Variants in GFRA1 observed in about 807,000 individuals in gnomAD.
GFRA1 encodes GDNF family receptor alpha-1.
Under a neutral mutation model 51.6 loss-of-function variants are expected in GFRA1, and 16 were observed. That is an observed-to-expected ratio of 0.31 (90% CI 0.21 to 0.47). GFRA1 has a LOEUF of 0.47. GFRA1 is among the 20% of genes least tolerant of loss of function. The pLI, the probability that GFRA1 is intolerant of heterozygous loss-of-function variation, is 1.00. For missense variants in GFRA1, 530 were observed against 594.3 expected (o/e 0.89, Z 1.13); for synonymous variants, 270 against 241.3 (o/e 1.12, Z -1.10).
chr10:116,154,238 T>C (rs1343472448), intron 5 of GFRA1, among the ~76,000 whole-genome samples: 1 of 152,214 alleles, frequency 6.6e-6, no homozygotes, highest in Non-Finnish European at 1.5e-5. Context: ...TCAACAGGAA[T>C]GTGTCTATAC....
intron 4 of GFRA1, among the ~76,000 whole-genome samples, chr10:116,225,613 G>A (rs921415311): frequency 6.7e-5 from 10 of 149,020 alleles, no homozygotes; most frequent in African/African-American, 2.2e-4. Flanking sequence ...TTTTTGAGAC[G>A]GAGTCTTGCT....
chr10:116,196,254 C>T (rs576149114), intron 5 of GFRA1, among the ~76,000 whole-genome samples: 2 of 150,730 alleles, frequency 1.3e-5, no homozygotes, highest in East Asian at 2.0e-4. Context: ...CTTTGGGAGG[C>T]TGAGGTGAGT....
intron 6 of GFRA1, among the ~76,000 whole-genome samples, chr10:116,114,200 G>A (rs953361859): frequency 1.3e-5 from 2 of 152,142 alleles, no homozygotes; most frequent in African/African-American, 4.8e-5. Context: ...CCAGGTCACA[G>A]AAGAAGCACG....
chr10:116,222,407 C>A (rs1965986577), intron 4 of GFRA1, among the ~76,000 whole-genome samples: 1 of 152,070 alleles, frequency 6.6e-6, no homozygotes, highest in South Asian at 2.1e-4. Context: ...CCATGCTGGC[C>A]AGGCTGGTCA....
intron 5 of GFRA1, among the ~76,000 whole-genome samples, chr10:116,185,133 G>C (rs1328434225): frequency 6.6e-6 from 1 of 152,130 alleles, no homozygotes; most frequent in East Asian, 1.9e-4. Flanking sequence ...ATGGTGGTAT[G>C]AGAATGCGTC....
At chr10:116,134,711 C>G (rs1425830367) in intron 5 of GFRA1, among the ~76,000 whole-genome samples, 2 of 152,208 alleles carry the variant, frequency 1.3e-5, no homozygotes, top group Non-Finnish European at 2.9e-5. Flanking sequence ...CTCACAGTGA[C>G]TGAATTATTT....
At chr10:116,148,082 G>GTGTGAGCATGCA (rs1555158860) in intron 5 of GFRA1, among the ~76,000 whole-genome samples, 1 of 129,376 alleles carries the variant, frequency 7.7e-6, no homozygotes, top group Non-Finnish European at 1.7e-5. Context: ...GTGCATGTGT[G>GTGTGAGCATGCA]TGTGTGCATG....
chr10:116,142,932 G>A (rs1958633487), intron 5 of GFRA1, among the ~76,000 whole-genome samples: 1 of 152,166 alleles, frequency 6.6e-6, no homozygotes, highest in Non-Finnish European at 1.5e-5. Flanking sequence ...TGAAATGAAT[G>A]CTATTCACGA....
rs148981433 is a variant in GFRA1 at position 116,188,452 on chromosome 10, G to A, written c.433+23179C>T. Among the ~76,000 whole-genome samples the A allele has an allele frequency of 5.3e-3, 801 of 152,312 alleles. 4 individuals are homozygous for A. The highest frequency in any genetic ancestry group is 9.0e-3 in the Non-Finnish European group (612 of 68,018). ...AGAAAGTAGAACAGTGGTTGCCAGC[G>A]TTTGGGTGGAGGGGAGAATGAGGGC... is the stretch of plus-strand genomic sequence containing the variant. On this transcript the variant is annotated intron_variant, in intron 5 of 10. Coordinates refer to ENST00000355422, the MANE Select transcript of GFRA1 (RefSeq NM_005264.8).
At chr10:116,077,209 G>A (rs1955655540) in intron 9 of GFRA1, among the ~76,000 whole-genome samples, 1 of 152,256 alleles carries the variant, frequency 6.6e-6, no homozygotes, top group South Asian at 2.1e-4. Context: ...TTGGAAAATA[G>A]GCTTATTCTA....
chr10:116,117,954 C>G (rs1957495007), intron 6 of GFRA1, among the ~76,000 whole-genome samples: 1 of 152,230 alleles, frequency 6.6e-6, no homozygotes, highest in East Asian at 1.9e-4. Context: ...TCTCCAACTT[C>G]TAAGTCCTCT....
intron 9 of GFRA1, among the ~76,000 whole-genome samples, chr10:116,076,471 A>G (rs1040069744): frequency 6.6e-6 from 1 of 152,158 alleles, no homozygotes; most frequent in African/African-American, 2.4e-5. Flanking sequence ...TCAGGGTGAT[A>G]GAAGAAAGGG....
chr10:116,153,821 G>C (rs892811233), intron 5 of GFRA1, among the ~76,000 whole-genome samples: 2 of 152,118 alleles, frequency 1.3e-5, no homozygotes, highest in Non-Finnish European at 2.9e-5. Context: ...CATAGGAGGA[G>C]ACATTTTTAA....
intron 4 of GFRA1, among the ~76,000 whole-genome samples, chr10:116,266,200 G>A (rs538005285): frequency 2.6e-5 from 4 of 152,280 alleles, no homozygotes; most frequent in South Asian, 2.1e-4. Context: ...TGTTCCTTGC[G>A]AGGATTCAGC....
intron 5 of GFRA1, among the ~76,000 whole-genome samples, chr10:116,153,377 A>T (rs1054738181): frequency 6.6e-6 from 1 of 152,180 alleles, no homozygotes; most frequent in African/African-American, 2.4e-5. Context: ...GCACGTGAGG[A>T]CTAGGATACA....
intron 6 of GFRA1, among the ~76,000 whole-genome samples, chr10:116,116,085 ACT>A (rs3837361): frequency 4.6e-5 from 7 of 151,398 alleles, no homozygotes; most frequent in Middle Eastern, 3.4e-3. Context: ...CCAGCACTGT[ACT>A]CTCTCTCTCT....
chr10:116,068,968 A>G lies in GFRA1; in HGVS notation c.1198-3342T>C, dbSNP rs113578632. 2.4e-3 allele frequency among the ~76,000 whole-genome samples: 366 copies of G among 152,334 alleles called. 4 individuals are homozygous for G. The highest frequency in any genetic ancestry group is 8.4e-3 in the African/African-American group (350 of 41,578). On this transcript the variant is annotated intron_variant, in intron 9 of 10. Coordinates refer to ENST00000355422, the MANE Select transcript of GFRA1 (RefSeq NM_005264.8). ...GACTTTGTAAGGTATAAGGTAAATTAGAAACTAGAAAAGCACCTTTTATTC... is the reference window on the plus strand; with the variant it reads ...GACTTTGTAAGGTATAAGGTAAATTGGAAACTAGAAAAGCACCTTTTATTC...
intron 4 of GFRA1, 61 bp downstream of exon 4, chr10:116,269,442 A>AATG: frequency 1.1e-6 from 1 of 927,444 alleles, no homozygotes. Flanking sequence ...AGCCAAAGAG[A>AATG]ATGCAAGCCA....
intron 6 of GFRA1, among the ~76,000 whole-genome samples, chr10:116,103,680 A>T (rs899341002): frequency 6.6e-6 from 1 of 152,240 alleles, no homozygotes; most frequent in Non-Finnish European, 1.5e-5. Context: ...TTAGAAAAAC[A>T]TGCTGCTAAT....
Sources: allele counts gnomAD v4.1 joint callset (sites outside exome capture counted in the v4.1 genomes callset), GRCh38; gene constraint gnomAD v4.1.1; transcripts MANE v1.5; gene names NCBI Gene and HGNC (gene_info 2026-07-23, HGNC 2026-07-21).